The following AOAH variants were observed in gnomAD, a reference collection of about 807,000 sequenced individuals.
The protein encoded by AOAH is acyloxyacyl hydrolase (neutrophil).
Under a neutral mutation model 92.2 loss-of-function variants are expected in AOAH, and 64 were observed. The ratio of observed to expected loss-of-function variants is 0.69; its 90% CI spans 0.57 to 0.86. The LOEUF (loss-of-function observed/expected upper bound fraction) is 0.86, where lower values mean the gene tolerates loss of function less well. Among genes scored for constraint, AOAH ranks in the 40% least tolerant of loss-of-function variants. The pLI, the probability that AOAH is intolerant of heterozygous loss-of-function variation, is 0.00. For synonymous variants in AOAH, 263 were observed against 254.5 expected (o/e 1.03, Z -0.32); for missense variants, 656 against 694.6 (o/e 0.94, Z 0.62).
At chr7:36,527,297 G>A (rs540077570) in intron 19 of AOAH, among the ~76,000 whole-genome samples, 1 of 152,294 alleles carries the variant, frequency 6.6e-6, no homozygotes. Flanking sequence ...ATGTGAAATT[G>A]TGAATTTTAG....
intron 2 of AOAH, among the ~76,000 whole-genome samples, chr7:36,676,426 C>T (rs566204812): frequency 6.6e-5 from 10 of 152,140 alleles, no homozygotes; most frequent in Admixed American, 6.5e-4. Flanking sequence ...AATATATACT[C>T]TGAAAACTAC....
chr7:36,647,893 T>TTATC (rs1287228757), intron 4 of AOAH, among the ~76,000 whole-genome samples: 1 of 151,484 alleles, frequency 6.6e-6, no homozygotes, highest in East Asian at 1.9e-4. Flanking sequence ...TGCAGTGGCG[T>TTATC]TATCTTGGCT....
In AOAH at chr7:36,623,319, G is replaced by A. The variant is rs2116102191; in HGVS notation, c.522-69C>T. 4 of 1,396,394 alleles carry A rather than the reference G, an allele frequency of 2.9e-6. No individual in the cohort carries two copies. In the South Asian group the frequency reaches 4.7e-5, roughly 16 times the overall value. The allele number at this position is 1,396,394 out of a possible 1,614,324, so 86.5% of individuals were successfully genotyped here. On this transcript the variant is annotated intron_variant, in intron 6 of 20. Coordinates refer to ENST00000617537, the MANE Select transcript of AOAH (RefSeq NM_001637.4). ...GTAACAGTGTTGGTGAAAACAAATA[G>A]AGAGACATTTTCTGATACAGCTCTG...
rs770708714 is a variant in AOAH at position 36,659,197 on chromosome 7, T to C, written c.359A>G (p.Gln120Arg). 10 of 1,613,938 alleles carry C rather than the reference T, an allele frequency of 6.2e-6. No individual in the cohort carries two copies. The East Asian group carries it at 2.2e-4, about 36-fold the overall frequency. The change falls in exon 4 of 21, where the codon CAA becomes CGA. Residue 120 changes from glutamine (Q) to arginine (R), a missense_variant. Coordinates refer to ENST00000617537, the MANE Select transcript of AOAH (RefSeq NM_001637.4). ...AAGAGGGTAGAGATGACACAATGGT[T>C]GGCCAGTGTTCTGTTTACAAAACTC... ...TLEFCKQNTG[Q>R]PLCHLYPLPK...
At chr7:36,535,220 CCA>C (rs1220971888) in intron 16 of AOAH, among the ~76,000 whole-genome samples, 3 of 151,920 alleles carry the variant, frequency 2.0e-5, no homozygotes, top group African/African-American at 7.2e-5. Flanking sequence ...GCGGGCTGTC[CCA>C]GTGTTTGCCA....
In AOAH at chr7:36,711,049, C is replaced by T. The variant is rs1798737448; in HGVS notation, c.127+12973G>A. Among the ~76,000 whole-genome samples the T allele has an allele frequency of 2.0e-5, 3 of 152,270 alleles. No homozygotes were observed. The Middle Eastern group carries it at 0.01, about 518-fold the overall frequency. On this transcript the variant is annotated intron_variant, in intron 1 of 20. Transcript: ENST00000617537. Reference sequence around the variant, plus strand: ...AGGATTCAAATCTGAGAGCCCCACACTCTGCAGGTCTTAACCCCATGCCTT... The same window carrying T: ...AGGATTCAAATCTGAGAGCCCCACATTCTGCAGGTCTTAACCCCATGCCTT...
intron 19 of AOAH, 121 bp downstream of exon 19, chr7:36,530,297 G>C (rs1784615931): frequency 1.5e-6 from 1 of 665,028 alleles, no homozygotes; most frequent in African/African-American, 1.8e-5. Context: ...TGTCAGAATA[G>C]GCAGGAGTAA....
intron 3 of AOAH, among the ~76,000 whole-genome samples, chr7:36,664,687 C>G (rs12701518): frequency 0.18 from 27,896 of 152,100 alleles, 2,935 homozygotes; most frequent in Non-Finnish European, 0.24. Context: ...TGCATTGAAT[C>G]TACATGTGTT....
chr7:36,684,906 CAAAAAAAAAAAAA>C (rs57827044), intron 2 of AOAH, among the ~76,000 whole-genome samples: 3 of 59,986 alleles, frequency 5.0e-5, no homozygotes, highest in East Asian at 5.1e-4. Context: ...GACCTTGTCT[CAAAAAAAAAAAAA>C]AAAAAAAAAA....
chr7:36,698,462 C>A (rs1305239253), intron 1 of AOAH, among the ~76,000 whole-genome samples: 1 of 151,898 alleles, frequency 6.6e-6, no homozygotes, highest in Non-Finnish European at 1.5e-5. Flanking sequence ...TATTTCCTTT[C>A]TTCTACTCAT....
chr7:36,577,031 T>TA (rs917780784), intron 12 of AOAH, among the ~76,000 whole-genome samples: 38 of 152,022 alleles, frequency 2.5e-4, no homozygotes, highest in East Asian at 3.9e-4. Context: ...TTTCTTTTTT[T>TA]TTTTTTTTTT....
chr7:36,657,819 AG>A (rs1338432384), intron 4 of AOAH, among the ~76,000 whole-genome samples: 2 of 152,234 alleles, frequency 1.3e-5, no homozygotes, highest in African/African-American at 4.8e-5. Flanking sequence ...AGTAAACTCT[AG>A]AGAGTATAAA....
chr7:36,630,512 C>G (rs1350433352), intron 6 of AOAH, among the ~76,000 whole-genome samples: 1 of 152,204 alleles, frequency 6.6e-6, no homozygotes, highest in African/African-American at 2.4e-5. Context: ...TGCACCTGTA[C>G]TAGAAGGCGA....
chr7:36,627,545 C>CAAAA (rs146066329), intron 6 of AOAH, among the ~76,000 whole-genome samples: 19,408 of 145,470 alleles, frequency 0.13, 1,329 homozygotes, highest in South Asian at 0.19. Context: ...GGAAAGCACT[C>CAAAA]AAAAAAAAAA....
At chr7:36,618,493 C>T in intron 9 of AOAH, 148 bp from the exon 10 acceptor site, 2 of 699,132 alleles carry the variant, frequency 2.9e-6, no homozygotes, top group East Asian at 2.7e-5. Context: ...TTCAACATAG[C>T]AACGCCCTGT....
chr7:36,552,506 T>C (rs1583798691), intron 13 of AOAH, among the ~76,000 whole-genome samples: 2 of 152,180 alleles, frequency 1.3e-5, no homozygotes, highest in African/African-American at 4.8e-5. Flanking sequence ...TTATATCCCA[T>C]TGGGTATATA....
chr7:36,558,866 G>T (rs1787029786), intron 13 of AOAH, among the ~76,000 whole-genome samples: 1 of 152,250 alleles, frequency 6.6e-6, no homozygotes, highest in East Asian at 1.9e-4. Context: ...CGATTTTCCA[G>T]GTGCCGTCTG....
rs531025837 is a variant in AOAH, at chr7:36,578,911, T to C, written c.939-2255A>G. On this transcript the variant is annotated intron_variant, in intron 12 of 20. Transcript: ENST00000617537. ...GGTTCTGCAGGGTGTAAAGGAAGCATAGCAGCATCTGTTTCTGGGGAGGTC... is the reference window on the plus strand; with the variant it reads ...GGTTCTGCAGGGTGTAAAGGAAGCACAGCAGCATCTGTTTCTGGGGAGGTC... Among the ~76,000 whole-genome samples, 12 of 152,292 alleles carry C rather than the reference T, an allele frequency of 7.9e-5. No individual in the cohort carries two copies. The South Asian group carries it at 2.5e-3, about 32-fold the overall frequency.
chr7:36,532,846 T>C (rs1784780876), intron 16 of AOAH, among the ~76,000 whole-genome samples: 1 of 152,096 alleles, frequency 6.6e-6, no homozygotes, highest in African/African-American at 2.4e-5. Context: ...TGGCAGGACA[T>C]TCTGAGTATC....
Sources: allele counts gnomAD v4.1 joint callset (sites outside exome capture counted in the v4.1 genomes callset), GRCh38; gene constraint gnomAD v4.1.1; transcripts MANE v1.5; gene names NCBI Gene and HGNC (gene_info 2026-07-23, HGNC 2026-07-21).